The following FBXL6 variants were observed in gnomAD, a reference collection of about 807,000 sequenced individuals.
FBXL6 encodes F-box/LRR-repeat protein 6.
In FBXL6, 50 loss-of-function variants were observed where a neutral mutation model predicts 53.3. The ratio of observed to expected loss-of-function variants is 0.94; its 90% confidence interval spans 0.75 to 1.19. FBXL6 has a LOEUF of 1.19. FBXL6 is among the 50% of genes most tolerant of loss of function. The pLI, the probability that FBXL6 is intolerant of heterozygous loss-of-function variation, is 0.00. For synonymous variants in FBXL6, 405 were observed against 322.9 expected (o/e 1.25, Z -2.73); for missense variants, 815 against 719.0 (o/e 1.13, Z -1.53).
chr8:144,357,862 G>A (rs550576464), intron 1 of FBXL6, 76 bp from the exon 2 acceptor site: 1 of 1,441,594 alleles, frequency 6.9e-7, no homozygotes, highest in Admixed American at 2.8e-5. Context: ...TAGACACCCC[G>A]GCTCAAAGCC....
chr8:144,357,979 C>G (rs1368057051), intron 1 of FBXL6, 53 bp downstream of exon 1: 1 of 1,538,640 alleles, frequency 6.5e-7, no homozygotes, highest in Non-Finnish European at 8.7e-7. Context: ...ACCGCTCGGA[C>G]CACGTCTGGC....
In FBXL6 at chr8:144,356,536, G is replaced by C. The variant is rs782663790; in HGVS notation, c.994-5C>G. On this transcript the variant is annotated splice_region_variant and splice_polypyrimidine_tract_variant and intron_variant, in intron 6 of 8. Transcript: ENST00000331890. Reference sequence around the variant, plus strand: ...CAGGTTCAACAGCCGCAGCACCTGGGGGCAAGGTCCAGGCTGTAGATGGGG... The same window carrying C: ...CAGGTTCAACAGCCGCAGCACCTGGCGGCAAGGTCCAGGCTGTAGATGGGG... 4 of 1,612,966 alleles carry C rather than the reference G, an allele frequency of 2.5e-6. No individual in the cohort carries two copies. In the South Asian group the frequency reaches 4.4e-5, roughly 18 times the overall value.
rs189739286 is a variant in FBXL6 at position 144,355,983 on chromosome 8, G to A, written c.1457C>T (p.Thr486Ile). The A allele has an allele frequency of 3.1e-6, 5 of 1,612,844 alleles. No homozygotes were observed. The East Asian group carries it at 1.1e-4, about 36-fold the overall frequency. Residue 486 changes from threonine (T) to isoleucine (I), a missense_variant, in exon 8 of 9, where the codon ACA (threonine) becomes ATA (isoleucine). Thr to Ile is a moderately conservative substitution (Grantham distance 89, BLOSUM62 -1). Transcript: ENST00000331890. ...CSLNLRGTRV[T>I]PSTVSSVISG... is the part of the protein sequence containing the mutation. ...GGATGCTGACCTGACAGTGCTTGGT[G>A]TGACCCGGGTGCCCCTGAGGTTAAG...
rs373864781 is a variant in FBXL6, at chr8:144,356,434, G to A, written c.1091C>T (p.Ala364Val). Residue 364 changes from alanine to valine, a missense_variant, in exon 7 of 9, where the codon GCG (alanine) becomes GTG (valine). By Grantham distance (64) the Ala-to-Val change is moderately conservative (BLOSUM62 0). Transcript: ENST00000331890. ...GCTCACAAAGTTGCAGGTTGAGCTC[G>A]CCAGGCAGAGCTCCTCTAGGCTAGG... ...GFPSLEELCLASSTCNFVSNE... is the reference protein window; with the variant it reads ...GFPSLEELCLVSSTCNFVSNE... 91 of 1,612,902 alleles carry A rather than the reference G, an allele frequency of 5.6e-5. No individual in the cohort carries two copies. Among genetic ancestry groups the A allele is most frequent in the Non-Finnish European group, 6.9e-5 (81 of 1,180,040 alleles).
At chr8:144,357,855 A>G in intron 1 of FBXL6, 69 bp from the exon 2 acceptor site, 3 of 1,446,042 alleles carry the variant, frequency 2.1e-6, no homozygotes, top group Non-Finnish European at 2.7e-6. Context: ...AGCGCAGTAG[A>G]CACCCCGGCT....
At chr8:144,357,833 C>A in intron 1 of FBXL6, 47 bp from the exon 2 acceptor site, 1 of 1,459,178 alleles carries the variant, frequency 6.9e-7, no homozygotes, top group African/African-American at 1.4e-5. Flanking sequence ...GTAGGCGATG[C>A]CCCCCTCTCG....
At position 144,357,702 on chromosome 8, in the gene FBXL6, G is replaced by A. The variant is rs782416248; in HGVS notation, c.501C>T (p.Val167=). The change falls in exon 2 of 9, where the codon GTC becomes GTT. Residue 167 remains valine (V), a synonymous_variant. Transcript: ENST00000331890. ...TGACCCCGCCCTTGGCAGGCCGGCC[G>A]ACCAGCGGGGACGACAGGGTCACGG... ...WHTVTLSSPL[V]GRPAKGGVKA... 8 of 1,609,816 alleles carry A rather than the reference G, an allele frequency of 5.0e-6. No homozygotes were observed. The South Asian group carries it at 7.7e-5, about 16-fold the overall frequency.
chr8:144,355,767 C>T, intron 8 of FBXL6, 89 bp from the exon 9 acceptor site: 1 of 1,549,072 alleles, frequency 6.5e-7, no homozygotes, highest in Non-Finnish European at 8.7e-7. Flanking sequence ...GTGTTCGACA[C>T]CTGGCTCTGC....
Position 144,358,277 on chromosome 8 carries a change from G to T in FBXL6, c.171C>A (p.Pro57=). Residue 57 remains proline, a synonymous_variant, in exon 1 of 9, where the codon CCC becomes CCA. Transcript: ENST00000331890. ...LVLSEPGPAR[P]RAQRRASRRT... ...GGCGGGAAGCGCGCCGCTGTGCGCG[G>T]GGCCGGGCGGGGCCGGGTTCGGACA... The T allele has an allele frequency of 8.1e-7, 1 of 1,229,328 alleles. No individual in the cohort carries two copies. 76.2% of individuals were successfully genotyped at this position (1,229,328 alleles called of 1,614,324 possible).
rs782663790 is a variant in FBXL6 at position 144,356,536 on chromosome 8, G to A, written c.994-5C>T. ...CAGGTTCAACAGCCGCAGCACCTGG[G>A]GGCAAGGTCCAGGCTGTAGATGGGG... On this transcript the variant is annotated splice_region_variant and splice_polypyrimidine_tract_variant and intron_variant, in intron 6 of 8. Coordinates refer to ENST00000331890, the MANE Select transcript of FBXL6 (RefSeq NM_012162.4). 3.0e-5 allele frequency: 49 copies of A among 1,612,848 alleles called. No individual in the cohort carries two copies. Among genetic ancestry groups the A allele is most frequent in the Non-Finnish European group, 3.8e-5 (45 of 1,179,936 alleles).
rs370416147 is a variant in FBXL6 at position 144,355,952 on chromosome 8, G to C, written c.1472+16C>G. The C allele has an allele frequency of 6.2e-7, 1 of 1,610,374 alleles. No homozygotes were observed. Among genetic ancestry groups the C allele is most frequent in the Non-Finnish European group, 8.5e-7 (1 of 1,178,228 alleles). On this transcript the variant is annotated intron_variant, in intron 8 of 8. Transcript: ENST00000331890. ...CAGCCACACTGGCTCCAGGGACTGG[G>C]GTAGGGGATGCTGACCTGACAGTGC...
rs904542638 is a variant in FBXL6, at chr8:144,357,183, A to G, written c.640-62T>C. The G allele has an allele frequency of 3.1e-6, 5 of 1,602,946 alleles. No individual in the cohort carries two copies. In the African/African-American group the frequency reaches 6.7e-5, roughly 21 times the overall value. On this transcript the variant is annotated intron_variant, in intron 3 of 8. Coordinates refer to ENST00000331890, the MANE Select transcript of FBXL6 (RefSeq NM_012162.4). Reference sequence around the variant, plus strand: ...CGACAGGCTAAGATCCACAAGGGAAACAGACAAGTGGCTGGTGCCAACCCC... The same window carrying G: ...CGACAGGCTAAGATCCACAAGGGAAGCAGACAAGTGGCTGGTGCCAACCCC...
Position 144,357,488 on chromosome 8 carries a change from T to C in FBXL6, c.590A>G (p.Gln197Arg), listed in dbSNP as rs1554853153. 3 of 1,613,438 alleles carry C rather than the reference T, an allele frequency of 1.9e-6. No individual in the cohort carries two copies. The highest frequency in any genetic ancestry group is 3.3e-5 in the Admixed American group (2 of 59,994). ...WLMPNRFSQL[Q>R]RLTLIHWKSQ... ...CTTCCAGTGGATGAGGGTCAGCCTC[T>C]GGAGCTGTGAAAACCTGGGCCGACA... The change falls in exon 3 of 9, where the codon CAG (glutamine) becomes CGG (arginine). Residue 197 changes from glutamine (Q) to arginine (R), a missense_variant. Coordinates refer to ENST00000331890, the MANE Select transcript of FBXL6 (RefSeq NM_012162.4).
Position 144,356,859 on chromosome 8 carries a change from C to A in FBXL6, c.828G>T (p.Lys276Asn), listed in dbSNP as rs1818466038. The change falls in exon 5 of 9, where the codon AAG (lysine) becomes AAT (asparagine). Residue 276 changes from lysine (K) to asparagine (N), a missense_variant. Transcript: ENST00000331890. ...TCTGGGAGCTGTAGGTCAGCCACAA[C>A]TTGCGCATTCGGGACCCTGCCTCCT... ...FLEEAGSRMR[K>N]LWLTYSSQTT... is the part of the protein sequence containing the mutation. 6.2e-7 allele frequency: 1 copy of A among 1,613,462 alleles called. No individual in the cohort carries two copies. The highest frequency in any genetic ancestry group is 1.3e-5 in the African/African-American group (1 of 75,044).
Position 144,356,337 on chromosome 8 carries a change from G to T in FBXL6, c.1188C>A (p.Arg396=). ...LRLLDLRGCA[R]ITPAGLQDLP... ...GATCCTGAAGGCCAGCCGGCGTGAT[G>T]CGCGCACAGCCACGAAGATCCAGTA... The change falls in exon 7 of 9, where the codon CGC becomes CGA. Residue 396 remains arginine, a synonymous_variant. Transcript: ENST00000331890. 1 of 1,604,152 alleles carries T rather than the reference G, an allele frequency of 6.2e-7. No homozygotes were observed. Among genetic ancestry groups the T allele is most frequent in the East Asian group, 2.2e-5 (1 of 44,868 alleles).
Position 144,355,460 on chromosome 8 carries a change from C to T in FBXL6, c.*71G>A, listed in dbSNP as rs1393677047. The T allele has an allele frequency of 1.3e-6, 2 of 1,573,606 alleles. No homozygotes were observed. Among genetic ancestry groups the T allele is most frequent in the African/African-American group, 2.7e-5 (2 of 73,690 alleles). On this transcript the variant is annotated 3_prime_UTR_variant, in exon 9 of 9. Transcript: ENST00000331890. ...AAAAATGTTTTATTTTAACAAAATG[C>T]TCAAATATCTGAAATTGGGCAAAGG...
rs781839444 is a variant in FBXL6, at chr8:144,357,043, T to C, written c.718A>G (p.Met240Val). 1.3e-4 allele frequency: 206 copies of C among 1,612,850 alleles called. No individual in the cohort carries two copies. The highest frequency in any genetic ancestry group is 1.7e-4 in the Non-Finnish European group (197 of 1,180,014). The change falls in exon 4 of 9, where the codon ATG becomes GTG. Residue 240 changes from methionine (M) to valine (V), a missense_variant. Coordinates refer to ENST00000331890, the MANE Select transcript of FBXL6 (RefSeq NM_012162.4). ...AGCTGGCAGCAGGCTTTGGCTAGCATGACCAGAGCGTCAGCAGTCACACCG... is the reference window on the plus strand; with the variant it reads ...AGCTGGCAGCAGGCTTTGGCTAGCACGACCAGAGCGTCAGCAGTCACACCG... ...CHGVTADALV[M>V]LAKACCQLHS...
chr8:144,356,627 A>G lies in FBXL6; in HGVS notation c.966T>C (p.Ala322=). The change falls in exon 6 of 9, where the codon GCT becomes GCC. Residue 322 remains alanine, a synonymous_variant. Transcript: ENST00000331890. ...GGAGCTGAGGGCAGCCTTTCTGCAG[A>G]GCCTCGACAGGCAGCTGAAGGGGAA... The part of the protein sequence containing the change: ...NSIPLQLPVE[A]LQKGCPQLQV... The G allele has an allele frequency of 6.2e-7, 1 of 1,612,864 alleles. No individual in the cohort carries two copies. Among genetic ancestry groups the G allele is most frequent in the Non-Finnish European group, 8.5e-7 (1 of 1,179,952 alleles).
Position 144,357,607 on chromosome 8 carries a change from G to A in FBXL6, c.575+21C>T, listed in dbSNP as rs371785275. 1.6e-5 allele frequency: 26 copies of A among 1,604,950 alleles called. No individual in the cohort carries two copies. The African/African-American group carries it at 2.4e-4, about 15-fold the overall frequency. On this transcript the variant is annotated intron_variant, in intron 2 of 8. Transcript: ENST00000331890. ...GGAAGGAGCCTGGAGCCAGGGGTAA[G>A]GAAGAGAGGGAACCCCTCACCGATT...
Sources: allele counts gnomAD v4.1 joint callset, GRCh38; gene constraint gnomAD v4.1.1; transcripts MANE v1.5; gene names NCBI Gene and HGNC (gene_info 2026-07-23, HGNC 2026-07-21).